The following PLPPR1 variants were observed in gnomAD, a reference collection of about 807,000 sequenced individuals.
The protein encoded by PLPPR1 is phospholipid phosphatase-related protein type 1.
PLPPR1 carries 10 observed loss-of-function variants against 33.1 expected under a neutral mutation model. The ratio of observed to expected loss-of-function variants is 0.30; its 90% confidence interval spans 0.19 to 0.51. The LOEUF (loss-of-function observed/expected upper bound fraction) is 0.51. PLPPR1 is among the 20% of genes least tolerant of loss of function. The pLI is 0.97. For synonymous variants in PLPPR1, 151 were observed against 151.0 expected (o/e 1.00, Z 0.00); for missense variants, 304 against 408.1 (o/e 0.74, Z 2.20).
chr9:101,297,636 T>G (rs1828673234), intron 4 of PLPPR1, among the ~76,000 whole-genome samples: 1 of 152,198 alleles, frequency 6.6e-6, no homozygotes, highest in Non-Finnish European at 1.5e-5. Context: ...CTCTATCCAC[T>G]TCTAAACCAT....
intron 2 of PLPPR1, among the ~76,000 whole-genome samples, chr9:101,263,926 C>T (rs1207233932): frequency 1.3e-5 from 2 of 152,198 alleles, no homozygotes; most frequent in East Asian, 3.9e-4. Flanking sequence ...CTTCTCTCTC[C>T]TTCCTCCACC....
intron 4 of PLPPR1, among the ~76,000 whole-genome samples, chr9:101,288,204 C>A (rs1244551080): frequency 5.9e-5 from 9 of 152,260 alleles, no homozygotes; most frequent in African/African-American, 2.2e-4. Context: ...AACCAGTCCT[C>A]TAGATTGTCT....
chr9:101,178,161 C>G (rs1157302253), intron 1 of PLPPR1, among the ~76,000 whole-genome samples: 2 of 152,214 alleles, frequency 1.3e-5, no homozygotes, highest in African/African-American at 4.8e-5. Context: ...ACCACTCAGC[C>G]TCTTTCCCCA....
intron 2 of PLPPR1, among the ~76,000 whole-genome samples, chr9:101,258,755 C>T (rs1038177292): frequency 3.3e-5 from 5 of 152,154 alleles, no homozygotes; most frequent in African/African-American, 9.7e-5. Flanking sequence ...AAGACCAGAG[C>T]TCTTGAGCCT....
At chr9:101,050,967 A>G (rs1171301255) in intron 1 of PLPPR1, among the ~76,000 whole-genome samples, 2 of 152,070 alleles carry the variant, frequency 1.3e-5, no homozygotes, top group African/African-American at 4.8e-5. Flanking sequence ...TCCAAACTCT[A>G]CTGTCACTCT....
Position 101,324,133 on chromosome 9 carries a change from G to A in PLPPR1, c.*76G>A, listed in dbSNP as rs542220044. On this transcript the variant is annotated 3_prime_UTR_variant, in exon 8 of 8. Coordinates refer to ENST00000374874, the MANE Select transcript of PLPPR1 (RefSeq NM_207299.2). ...ACTTCAAAACACACAGTTGCTCAAT[G>A]TCAAACTGTGATGACAAATATTACG... 1.9e-4 allele frequency: 228 copies of A among 1,217,336 alleles called. 3 individuals carry two copies. In the South Asian group the frequency reaches 2.8e-3, roughly 15 times the overall value. 75.4% of individuals were successfully genotyped at this position (1,217,336 alleles called of 1,614,324 possible). A position where few individuals can be genotyped will look rare whatever the true frequency, so the allele number is the denominator to read the frequency against.
rs574913694 is a variant in PLPPR1 at position 101,129,640 on chromosome 9, G to A, written c.-45-55810G>A. On this transcript the variant is annotated intron_variant, in intron 1 of 7. Coordinates refer to ENST00000374874, the MANE Select transcript of PLPPR1 (RefSeq NM_207299.2). ...AGGTCAAGAGATCGAGACCATCCTG[G>A]CCAACATGGTGAAACCCCGTCTCTA... Among the ~76,000 whole-genome samples the A allele has an allele frequency of 2.0e-5, 3 of 152,258 alleles. 1 individual carries two copies. The highest frequency in any genetic ancestry group is 2.0e-4 in the Admixed American group (3 of 15,298).
At chr9:101,107,761 T>G (rs1444024656) in intron 1 of PLPPR1, among the ~76,000 whole-genome samples, 9 of 131,332 alleles carry the variant, frequency 6.9e-5, no homozygotes, top group African/African-American at 2.7e-4. Context: ...GTTGCCGCCT[T>G]GCAGTTTAAT....
At chr9:101,093,464 T>G (rs1588025007) in intron 1 of PLPPR1, among the ~76,000 whole-genome samples, 1 of 152,338 alleles carries the variant, frequency 6.6e-6, no homozygotes, top group Admixed American at 6.5e-5. Context: ...AACTGAATAT[T>G]TTGGTCATGG....
At chr9:101,041,578 G>T (rs1188424209) in intron 1 of PLPPR1, among the ~76,000 whole-genome samples, 1 of 152,146 alleles carries the variant, frequency 6.6e-6, no homozygotes, top group Admixed American at 6.5e-5. Context: ...TACTAGGTTT[G>T]GTTCTGGGTG....
intron 1 of PLPPR1, among the ~76,000 whole-genome samples, chr9:101,078,105 A>AAGGAGAAGGAGAAGGAGAAGGAGG (rs1491245491): frequency 4.1e-4 from 1 of 2,420 alleles, no homozygotes; most frequent in Admixed American, 8.6e-3. Context: ...GGAGAAGGAG[A>AAGGAGAAGGAGAAGGAGAAGGAGG]AGAAGAAGAA....
chr9:101,156,569 A>AAG (rs1831693670), intron 1 of PLPPR1, among the ~76,000 whole-genome samples: 1 of 110,192 alleles, frequency 9.1e-6, no homozygotes, highest in African/African-American at 2.9e-5. Context: ...AAAAAAAAAA[A>AAG]AAAAGAAAGA....
At chr9:101,123,798 C>T (rs1162642748) in intron 1 of PLPPR1, among the ~76,000 whole-genome samples, 1 of 152,048 alleles carries the variant, frequency 6.6e-6, no homozygotes, top group Non-Finnish European at 1.5e-5. Flanking sequence ...AGCCACGAGC[C>T]CTGGATTCTA....
At chr9:101,203,942 G>A (rs2987738) in intron 2 of PLPPR1, among the ~76,000 whole-genome samples, 137,382 of 152,090 alleles carry the variant, frequency 0.9, 62,147 homozygotes, top group East Asian at 0.96. Context: ...AAAGAGTTAT[G>A]TCTTTGTTTT....
At chr9:101,082,645 T>C (rs866404358) in intron 1 of PLPPR1, among the ~76,000 whole-genome samples, 5 of 152,140 alleles carry the variant, frequency 3.3e-5, no homozygotes, top group South Asian at 4.1e-4. Flanking sequence ...CTCCTTACCT[T>C]TTCTGGGTTT....
At chr9:101,042,461 G>C (rs1353060062) in intron 1 of PLPPR1, among the ~76,000 whole-genome samples, 4 of 152,146 alleles carry the variant, frequency 2.6e-5, no homozygotes, top group Non-Finnish European at 5.9e-5. Context: ...TGGCCTACCA[G>C]ATCTTCTGTA....
chr9:101,200,978 G>C (rs756355773), intron 2 of PLPPR1, among the ~76,000 whole-genome samples: 8 of 152,140 alleles, frequency 5.3e-5, no homozygotes, highest in Non-Finnish European at 1.2e-4. Flanking sequence ...ATAAAAAACA[G>C]AAAAGTATTT....
chr9:101,088,863 T>G (rs2118527450), intron 1 of PLPPR1, among the ~76,000 whole-genome samples: 1 of 152,272 alleles, frequency 6.6e-6, no homozygotes, highest in East Asian at 1.9e-4. Flanking sequence ...TATAATGAAA[T>G]TACAACATTA....
chr9:101,302,419 A>AT (rs1362879520), intron 4 of PLPPR1, among the ~76,000 whole-genome samples: 2 of 152,230 alleles, frequency 1.3e-5, no homozygotes, highest in African/African-American at 4.8e-5. Flanking sequence ...ATGAGAAAGC[A>AT]TTTTACCACT....
Sources: gnomAD v4.1 joint callset for allele counts (sites outside exome capture counted in the v4.1 genomes callset) on GRCh38, gnomAD v4.1.1 for gene constraint, MANE v1.5 for transcripts, NCBI Gene and HGNC (gene_info 2026-07-23, HGNC 2026-07-21) for gene names.